Variants in TCF7L2 observed in about 807,000 individuals in gnomAD.
TCF7L2 encodes the protein transcription factor 7 like 2, also known as transcription factor 7-like 2.
In TCF7L2, 23 loss-of-function variants were observed where a neutral mutation model predicts 77.9. The observed-to-expected ratio is 0.30, with a 90% CI of 0.21 to 0.42. The LOEUF is 0.42. Among genes scored for constraint, TCF7L2 ranks in the 10% least tolerant of loss-of-function variants. TCF7L2 has a pLI of 1.00. For missense variants in TCF7L2, 654 were observed against 793.1 expected (o/e 0.82, Z 2.11); for synonymous variants, 413 against 340.2 (o/e 1.21, Z -2.36).
At chr10:113,084,431 C>T (rs1208455929) in intron 5 of TCF7L2, among the ~76,000 whole-genome samples, 1 of 152,226 alleles carries the variant, frequency 6.6e-6, no homozygotes, top group African/African-American at 2.4e-5. Context: ...GGAGGAAGAT[C>T]AGCCTTGTAT....
chr10:113,116,853 C>T (rs1341544348), intron 5 of TCF7L2, among the ~76,000 whole-genome samples: 1 of 152,140 alleles, frequency 6.6e-6, no homozygotes, highest in African/African-American at 2.4e-5. Context: ...AATCATTAAT[C>T]TTCTCAAATG....
intron 5 of TCF7L2, among the ~76,000 whole-genome samples, chr10:113,104,471 A>T (rs1408050702): frequency 6.6e-6 from 1 of 152,136 alleles, no homozygotes; most frequent in East Asian, 1.9e-4. Context: ...CTGGGGGAAA[A>T]GTCTTAGAAG....
chr10:112,974,195 A>G (rs1215043819), intron 4 of TCF7L2, among the ~76,000 whole-genome samples: 1 of 152,154 alleles, frequency 6.6e-6, no homozygotes, highest in African/African-American at 2.4e-5. Flanking sequence ...TAAAACTTAT[A>G]TCTGTTTTAA....
At chr10:113,133,339 G>C (rs1189870420) in intron 5 of TCF7L2, 1 of 152,042 alleles carries the variant, frequency 6.6e-6, no homozygotes, top group South Asian at 2.1e-4. Flanking sequence ...TTATTTTCCA[G>C]GTTCGAATGT....
chr10:112,999,363 T>C (rs1298431785), intron 4 of TCF7L2, among the ~76,000 whole-genome samples: 2 of 152,258 alleles, frequency 1.3e-5, no homozygotes, highest in Non-Finnish European at 2.9e-5. Flanking sequence ...CACTAGGCGT[T>C]GGGCCTGAAC....
chr10:112,985,975 A>C (rs986842048), intron 4 of TCF7L2, among the ~76,000 whole-genome samples: 1 of 152,086 alleles, frequency 6.6e-6, no homozygotes, highest in Non-Finnish European at 1.5e-5. Context: ...AATCAAAGTC[A>C]CCCAGAAGCA....
intron 5 of TCF7L2, among the ~76,000 whole-genome samples, chr10:113,122,985 T>C (rs1239435515): frequency 1.3e-5 from 2 of 152,224 alleles, no homozygotes; most frequent in Non-Finnish European, 2.9e-5. Context: ...CACTAGTTGG[T>C]AAGACATCAG....
At chr10:112,985,155 G>C (rs545047510) in intron 4 of TCF7L2, among the ~76,000 whole-genome samples, 29 of 152,318 alleles carry the variant, frequency 1.9e-4, no homozygotes, top group Admixed American at 1.7e-3. Flanking sequence ...TGATACCTGT[G>C]ATCCTGGCAG....
intron 5 of TCF7L2, among the ~76,000 whole-genome samples, chr10:113,101,893 C>T (rs547099085): frequency 4.3e-5 from 6 of 138,902 alleles, no homozygotes; most frequent in Non-Finnish European, 9.2e-5. Context: ...AATCCCAGCA[C>T]TTTGGGAGGC....
At chr10:113,132,841 C>T (rs1451223359) in intron 5 of TCF7L2, 1 of 152,200 alleles carries the variant, frequency 6.6e-6, no homozygotes, top group East Asian at 1.9e-4. Context: ...GTGGCTGGTT[C>T]TTCATCCCTG....
intron 4 of TCF7L2, among the ~76,000 whole-genome samples, chr10:112,964,914 G>A (rs1236996741): frequency 3.3e-5 from 5 of 152,020 alleles, no homozygotes; most frequent in African/African-American, 1.2e-4. Context: ...AGAGAAGGCT[G>A]TGCTTATTGT....
Position 112,987,353 on chromosome 10 carries a change from A to AATGAT in TCF7L2, c.450+22731_450+22735dup, listed in dbSNP as rs150754348. 1,121 of 152,268 alleles carry AATGAT rather than the reference A, an allele frequency of 7.4e-3. 9 individuals are homozygous for AATGAT. The highest frequency in any genetic ancestry group is 0.026 in the African/African-American group (1,061 of 41,532). 9.4% of individuals were successfully genotyped at this position (152,268 alleles called of 1,614,324 possible). The stretch of plus-strand genomic sequence containing the variant: ...AAGGATTGTTGTGATAATGAAATGA[A>AATGAT]ATGATACTGTATCTTTTGCTTTTTA... On this transcript the variant is annotated intron_variant, in intron 4 of 13. Coordinates refer to ENST00000627217, the MANE Select transcript of TCF7L2 (RefSeq NM_001146274.2).
intron 4 of TCF7L2, among the ~76,000 whole-genome samples, chr10:112,981,902 C>T (rs2040542697): frequency 6.6e-6 from 1 of 152,292 alleles, no homozygotes; most frequent in African/African-American, 2.4e-5. Context: ...TCAGGCAAGG[C>T]AGCCCCAGCA....
intron 4 of TCF7L2, among the ~76,000 whole-genome samples, chr10:113,028,575 G>A (rs2049634722): frequency 6.6e-6 from 1 of 152,204 alleles, no homozygotes; most frequent in South Asian, 2.1e-4. Flanking sequence ...ACGCAGCACG[G>A]GGTGCGGTTT....
chr10:113,157,948 TC>T, intron 11 of TCF7L2, 72 bp from the exon 12 acceptor site: 1 of 1,493,522 alleles, frequency 6.7e-7, no homozygotes, highest in South Asian at 1.2e-5. Flanking sequence ...GCCTTCTCCT[TC>T]CAGGTGCGCC....
At position 113,151,136 on chromosome 10, in the gene TCF7L2, G is replaced by A. The variant is rs2137128433; in HGVS notation, c.1001+13G>A. 1 of 1,614,082 alleles carries A rather than the reference G, an allele frequency of 6.2e-7. No individual in the cohort carries two copies. The highest frequency in any genetic ancestry group is 8.5e-7 in the Non-Finnish European group (1 of 1,180,002). On this transcript the variant is annotated intron_variant, in intron 9 of 13. Transcript: ENST00000627217. This position sits in a 1 kb window ranked among gnomAD's most constrained non-coding sequence, Gnocchi z 5.2. ...CACTCCATAGTTCGTAAGTGTTGCT[G>A]TTTTTCTCACCTTCTTCGTAGCCGC...
chr10:113,070,072 A>G (rs1192889217), intron 5 of TCF7L2, among the ~76,000 whole-genome samples: 1 of 151,902 alleles, frequency 6.6e-6, no homozygotes, highest in Non-Finnish European at 1.5e-5. Flanking sequence ...CCTGGCCAAC[A>G]TGGTGAAACC....
At chr10:112,980,691 G>A (rs1375257679) in intron 4 of TCF7L2, among the ~76,000 whole-genome samples, 3 of 151,390 alleles carry the variant, frequency 2.0e-5, no homozygotes, top group Non-Finnish European at 4.4e-5. Flanking sequence ...GCAGTGGCAC[G>A]ATCTTGGCTC....
At chr10:113,156,042 G>A (rs1183584291) in intron 11 of TCF7L2, among the ~76,000 whole-genome samples, 1 of 152,096 alleles carries the variant, frequency 6.6e-6, no homozygotes, top group Admixed American at 6.5e-5. Context: ...CCTGGGTGGA[G>A]CCTAAGCTTG....
Sources: allele counts gnomAD v4.1 joint callset (sites outside exome capture counted in the v4.1 genomes callset), GRCh38; gene constraint gnomAD v4.1.1; non-coding constraint Gnocchi (gnomAD v3.1); transcripts MANE v1.5; gene names NCBI Gene and HGNC (gene_info 2026-07-23, HGNC 2026-07-21).